Variants in ALOX15 observed in about 807,000 individuals in gnomAD.
ALOX15 encodes the protein arachidonate 15-lipoxygenase.
In ALOX15, 68 loss-of-function variants were observed where a neutral mutation model predicts 71.7. The observed-to-expected ratio is 0.95, with a 90% CI of 0.78 to 1.16. The LOEUF (loss-of-function observed/expected upper bound fraction) is 1.16. Among genes scored for constraint, ALOX15 ranks in the 50% most tolerant of loss-of-function variants. The probability of loss-of-function intolerance (pLI) is 0.00; values close to 1 mark genes in which losing one functional copy is unlikely to be tolerated. For synonymous variants in ALOX15, 346 were observed against 333.3 expected (o/e 1.04, Z -0.42); for missense variants, 798 against 818.8 (o/e 0.97, Z 0.31).
At chr17:4,634,790 C>A (rs1452742386) in intron 8 of ALOX15, among the ~76,000 whole-genome samples, 1 of 151,592 alleles carries the variant, frequency 6.6e-6, no homozygotes, top group Non-Finnish European at 1.5e-5. Flanking sequence ...ACCAGCCTGA[C>A]CAACATGGCA....
chr17:4,637,968 T>C (rs1911169944), intron 6 of ALOX15, among the ~76,000 whole-genome samples: 1 of 152,116 alleles, frequency 6.6e-6, no homozygotes, highest in African/African-American at 2.4e-5. Flanking sequence ...CAGGGGCCAG[T>C]CACATTTCTT....
chr17:4,639,900 GGGCTGAGCGCTGCCGCGCCCT>G, intron 1 of ALOX15: 1 of 404,300 alleles, frequency 2.5e-6, no homozygotes. Flanking sequence ...GCCAAGCGCT[GGGCTGAGCGCTGCCGCGCCCT>G]GGACGAGCGC....
In ALOX15 at chr17:4,639,591, G is replaced by T; in HGVS notation, c.176C>A (p.Pro59Gln). 1.2e-6 allele frequency: 2 copies of T among 1,613,972 alleles called. No individual in the cohort carries two copies. The highest frequency in any genetic ancestry group is 1.7e-6 in the Non-Finnish European group (2 of 1,179,958). ...TTTGCGCAGTTTCACAAACAGCAGC[G>T]GCCCCAGATACTCCGGTACTTCCAC... ...LKVEVPEYLG[P>Q]LLFVKLRKRH... is the part of the protein sequence containing the mutation. Residue 59 changes from proline to glutamine, a missense_variant, in exon 2 of 14, where the codon CCG becomes CAG. Transcript: ENST00000293761.
rs917135621 is a variant in ALOX15 at position 4,630,977 on chromosome 17, G to A, written c.*623C>T. Reference sequence around the variant, plus strand: ...GTCCTAGTTCTTTTCCATCTTTAGCGTAAAACAACTTTTTATTATTGTTAA... The same window carrying A: ...GTCCTAGTTCTTTTCCATCTTTAGCATAAAACAACTTTTTATTATTGTTAA... On this transcript the variant is annotated 3_prime_UTR_variant, in exon 14 of 14. Coordinates refer to ENST00000293761, the MANE Select transcript of ALOX15 (RefSeq NM_001140.5). The A allele has an allele frequency of 3.9e-5, 6 of 151,984 alleles. No homozygotes were observed. Among genetic ancestry groups the A allele is most frequent in the African/African-American group, 1.2e-4 (5 of 41,346 alleles). The allele number at this position is 151,984 out of a possible 1,614,324, so 9.4% of individuals were successfully genotyped here. A position where few individuals can be genotyped will look rare whatever the true frequency, so the allele number is the denominator to read the frequency against.
chr17:4,636,241 C>G (rs900644244), intron 7 of ALOX15, among the ~76,000 whole-genome samples: 1 of 152,206 alleles, frequency 6.6e-6, no homozygotes, highest in African/African-American at 2.4e-5. Context: ...TCAGTTCCCA[C>G]AGTGTGGACA....
chr17:4,639,751 C>A, intron 1 of ALOX15, 120 bp from the exon 2 acceptor site: 2 of 1,012,022 alleles, frequency 2.0e-6, no homozygotes, highest in Non-Finnish European at 2.8e-6. Context: ...GGAGACGTAT[C>A]GGGGTGCGGG....
chr17:4,635,562 G>T (rs11568116), intron 8 of ALOX15, among the ~76,000 whole-genome samples, 197 bp downstream of exon 8: 1,838 of 152,200 alleles, frequency 0.012, 31 homozygotes, highest in African/African-American at 0.039. Context: ...GATTATTTTC[G>T]CCACTTTCCC....
At chr17:4,637,794 A>C (rs1300009591) in intron 6 of ALOX15, among the ~76,000 whole-genome samples, 2 of 152,088 alleles carry the variant, frequency 1.3e-5, no homozygotes, top group African/African-American at 4.8e-5. Flanking sequence ...ATTTTGCCTG[A>C]GGTCACACAG....
intron 7 of ALOX15, 105 bp from the exon 8 acceptor site, chr17:4,636,073 C>G (rs1347687100): frequency 8.1e-7 from 1 of 1,231,534 alleles, no homozygotes; most frequent in Non-Finnish European, 1.1e-6. Flanking sequence ...CAAACCTGTT[C>G]TGCTTTCCCC....
At chr17:4,635,294 C>T (rs992375606) in intron 8 of ALOX15, among the ~76,000 whole-genome samples, 1 of 151,254 alleles carries the variant, frequency 6.6e-6, no homozygotes, top group African/African-American at 2.4e-5. Context: ...ATTAGCCAGG[C>T]CTGGTGGTGC....
At chr17:4,634,663 C>T (rs1911031547) in intron 8 of ALOX15, among the ~76,000 whole-genome samples, 1 of 151,606 alleles carries the variant, frequency 6.6e-6, no homozygotes, top group African/African-American at 2.4e-5. Context: ...ATATATATCA[C>T]ATTATATCTG....
Position 4,632,045 on chromosome 17 carries a change from G to C in ALOX15, c.1653C>G (p.Tyr551Ter), listed in dbSNP as rs761838242. Residue 551 changes from tyrosine (Y) to a stop codon, truncating the protein, a stop_gained, in exon 13 of 14, where the codon TAC (tyrosine) becomes TAG (stop). Transcript: ENST00000293761. LOFTEE classifies it high-confidence loss of function. ...ASVHLGQLDW[Y>*]SWVPNAPCTM... Reference sequence around the variant, plus strand: ...TGCAGGGTGCATTAGGCACCCAAGAGTACCAGTCCAGCTAAGGAAGGGCAG... The same window carrying C: ...TGCAGGGTGCATTAGGCACCCAAGACTACCAGTCCAGCTAAGGAAGGGCAG... 1.9e-6 allele frequency: 3 copies of C among 1,611,594 alleles called. No homozygotes were observed. The highest frequency in any genetic ancestry group is 2.2e-5 in the South Asian group (2 of 90,798).
In ALOX15 at chr17:4,639,056, CA is replaced by C; in HGVS notation, c.413del (p.Leu138CysfsTer11). On this transcript the variant is annotated frameshift_variant, in exon 3 of 14. Transcript: ENST00000293761. LOFTEE classifies it high-confidence loss of function. ...GTCAGGGGAGGAGGGCTCACCGGTA[CA>C]ACTTCCTTCTCTCTTCCAGCTCTTC... ...REEELEERRKLYRWGNWKDGL... is the reference protein window; with the variant it reads ...REEELEERRKXYRWGNWKDGL... The C allele has an allele frequency of 6.2e-7, 1 of 1,614,202 alleles. No homozygotes were observed. The highest frequency in any genetic ancestry group is 1.3e-5 in the African/African-American group (1 of 75,052).
rs1911247269 is a variant in ALOX15, at chr17:4,639,627, G to C, written c.140C>G (p.Thr47Arg). The C allele has an allele frequency of 2.5e-6, 4 of 1,610,302 alleles. No individual in the cohort carries two copies. Among genetic ancestry groups the C allele is most frequent in the Non-Finnish European group, 3.4e-6 (4 of 1,178,408 alleles). ...KRLWPARGKE[T>R]ELKVEVPEYL... ...CTCCGGTACTTCCACCTTGAGTTCT[G>C]TCTCCTGCGGGCGACAGAAGAGGCT... The change falls in exon 2 of 14, where the codon ACA becomes AGA. Residue 47 changes from threonine (T) to arginine (R), a missense_variant. Physicochemically the swap from Thr to Arg is moderately conservative, Grantham distance 71. This residue lies in a region of ALOX15 where 300 missense variants were observed against 283.1 expected (regional missense o/e 1.06). Transcript: ENST00000293761.
chr17:4,640,585 C>G (rs922767360), intron 1 of ALOX15, among the ~76,000 whole-genome samples: 1 of 137,954 alleles, frequency 7.2e-6, no homozygotes, highest in Non-Finnish European at 1.5e-5. Flanking sequence ...CTTCCGTGCC[C>G]CGTCCCCTCA....
chr17:4,638,104 C>T (rs1370422481), intron 6 of ALOX15, 113 bp downstream of exon 6: 45 of 597,960 alleles, frequency 7.5e-5, no homozygotes, highest in Non-Finnish European at 9.4e-5. Flanking sequence ...CTGCAGAATC[C>T]GTCCTTGCTG....
chr17:4,632,193 C>T lies in ALOX15; in HGVS notation c.1629G>A (p.Val543=), dbSNP rs1910932012. ...CTCTGGTAAGTACCTGGCCCAGGTG[C>T]ACAGAGGCGTGTTGGCCGGTGCAGG... ...IFTCTGQHAS[V]HLGQLDWYSW... is the part of the protein sequence containing the mutation. Residue 543 remains valine (V), a synonymous_variant, in exon 12 of 14, where the codon GTG becomes GTA. Coordinates refer to ENST00000293761, the MANE Select transcript of ALOX15 (RefSeq NM_001140.5). 6.2e-7 allele frequency: 1 copy of T among 1,614,180 alleles called. No individual in the cohort carries two copies. The highest frequency in any genetic ancestry group is 8.5e-7 in the Non-Finnish European group (1 of 1,180,038).
At chr17:4,639,727 A>G (rs1911251405) in intron 1 of ALOX15, 96 bp from the exon 2 acceptor site, 1 of 1,228,540 alleles carries the variant, frequency 8.1e-7, no homozygotes, top group South Asian at 1.4e-5. Flanking sequence ...CCTTCCTCGG[A>G]GCCTCTGAGA....
intron 7 of ALOX15, among the ~76,000 whole-genome samples, chr17:4,636,282 C>T (rs765265228): frequency 6.6e-6 from 1 of 152,226 alleles, no homozygotes; most frequent in Non-Finnish European, 1.5e-5. Context: ...CTCCATCCCA[C>T]ACTGTTTTTT....
Sources: gnomAD v4.1 joint callset for allele counts (sites outside exome capture counted in the v4.1 genomes callset) on GRCh38, gnomAD v4.1.1 for gene constraint, gnomAD v4.1.1 regional missense constraint, MANE v1.5 for transcripts, NCBI Gene and HGNC (gene_info 2026-07-23, HGNC 2026-07-21) for gene names.